Variants in DAB1 observed in about 807,000 individuals in gnomAD.
DAB1 encodes the protein disabled homolog 1.
Under a neutral mutation model 64.6 loss-of-function variants are expected in DAB1, and 15 were observed. The ratio of observed to expected loss-of-function variants is 0.23; its 90% CI spans 0.16 to 0.36. The LOEUF (loss-of-function observed/expected upper bound fraction) is 0.36, where lower values mean the gene tolerates loss of function less well. DAB1 is among the 10% of genes least tolerant of loss of function. The pLI is 1.00. For synonymous variants in DAB1, 235 were observed against 251.9 expected (o/e 0.93, Z 0.64); for missense variants, 596 against 706.7 (o/e 0.84, Z 1.78).
intron 3 of DAB1, among the ~76,000 whole-genome samples, chr1:58,443,813 A>G (rs985218701): frequency 6.6e-6 from 1 of 152,238 alleles, no homozygotes; most frequent in African/African-American, 2.4e-5. Context: ...AATACTCAAC[A>G]CATTGTTTAA....
intron 5 of DAB1, among the ~76,000 whole-genome samples, chr1:57,901,362 C>T (rs939313022): frequency 8.5e-5 from 13 of 152,184 alleles, no homozygotes; most frequent in African/African-American, 3.1e-4. Context: ...GCGAGCTCCC[C>T]CTCCCTGCAA....
chr1:57,198,473 T>C (rs918993847), intron 2 of DAB1, among the ~76,000 whole-genome samples: 1 of 152,082 alleles, frequency 6.6e-6, no homozygotes, highest in Non-Finnish European at 1.5e-5. Flanking sequence ...GTCTAGAGAC[T>C]CATCTTTCAC....
chr1:58,126,170 C>T (rs988594333), intron 5 of DAB1, among the ~76,000 whole-genome samples: 2 of 152,156 alleles, frequency 1.3e-5, no homozygotes, highest in African/African-American at 4.8e-5. Flanking sequence ...AAAGAAAAGG[C>T]CTTAAAGAAC....
At chr1:57,510,610 C>A (rs142864824) in intron 7 of DAB1, among the ~76,000 whole-genome samples, 29 of 152,180 alleles carry the variant, frequency 1.9e-4, no homozygotes, top group African/African-American at 7.0e-4. Flanking sequence ...TTATACCCCA[C>A]CCACACCAGT....
intron 2 of DAB1, among the ~76,000 whole-genome samples, chr1:57,245,888 C>T (rs1234784361): frequency 6.6e-6 from 1 of 152,194 alleles, no homozygotes; most frequent in African/African-American, 2.4e-5. Flanking sequence ...AACTAATTTA[C>T]ACTCTCTGGT....
intron 1 of DAB1, among the ~76,000 whole-genome samples, chr1:57,357,638 G>C (rs1241895913): frequency 6.6e-6 from 1 of 151,428 alleles, no homozygotes; most frequent in Non-Finnish European, 1.5e-5. Context: ...ACCTGAGAGT[G>C]GGTAATTTAG....
At chr1:58,205,707 A>G (rs769847186) in intron 4 of DAB1, among the ~76,000 whole-genome samples, 10 of 152,218 alleles carry the variant, frequency 6.6e-5, no homozygotes, top group Non-Finnish European at 1.5e-4. Context: ...TGTCATTAAC[A>G]TTCTTTAATT....
intron 6 of DAB1, among the ~76,000 whole-genome samples, chr1:57,663,207 CCA>C (rs2101672708): frequency 1.3e-5 from 2 of 152,178 alleles, no homozygotes; most frequent in African/African-American, 4.8e-5. Flanking sequence ...GGGGGAGGTG[CCA>C]CACACTTTCA....
At chr1:57,126,607 G>A (rs888800248) in intron 4 of DAB1, among the ~76,000 whole-genome samples, 3 of 152,178 alleles carry the variant, frequency 2.0e-5, no homozygotes, top group African/African-American at 4.8e-5. Flanking sequence ...GAAATGACAC[G>A]TATGTCAAGC....
intron 6 of DAB1, among the ~76,000 whole-genome samples, chr1:57,792,434 T>A (rs1173831848): frequency 1.3e-5 from 2 of 152,228 alleles, no homozygotes; most frequent in South Asian, 4.1e-4. Flanking sequence ...ACAGCTCTTT[T>A]TCCACTGGGC....
chr1:57,913,564 C>T (rs1369899792), intron 5 of DAB1, among the ~76,000 whole-genome samples: 1 of 152,198 alleles, frequency 6.6e-6, no homozygotes, highest in African/African-American at 2.4e-5. Flanking sequence ...ACACCAAAAG[C>T]AATGGCAACA....
intron 3 of DAB1, among the ~76,000 whole-genome samples, chr1:57,138,752 C>T (rs1337345189): frequency 6.6e-6 from 1 of 152,212 alleles, no homozygotes; most frequent in Non-Finnish European, 1.5e-5. Flanking sequence ...CTCTGACCCT[C>T]TTAGCCAACA....
intron 6 of DAB1, among the ~76,000 whole-genome samples, chr1:57,768,087 G>T (rs1411557268): frequency 2.1e-5 from 3 of 145,474 alleles, no homozygotes; most frequent in Non-Finnish European, 3.0e-5. Context: ...TGAAGTAGGA[G>T]AATTGCTTGA....
At chr1:57,939,157 A>G (rs1645067185) in intron 5 of DAB1, among the ~76,000 whole-genome samples, 2 of 152,104 alleles carry the variant, frequency 1.3e-5, no homozygotes, top group African/African-American at 4.8e-5. Context: ...TTCACAGATG[A>G]CCTTCTTCTC....
At chr1:58,166,992 G>T (rs774723302) in intron 4 of DAB1, among the ~76,000 whole-genome samples, 2 of 150,590 alleles carry the variant, frequency 1.3e-5, no homozygotes, top group South Asian at 2.1e-4. Flanking sequence ...AGAAATCCAC[G>T]CACCTTGGCC....
chr1:57,704,433 A>G (rs1646941931), intron 6 of DAB1, among the ~76,000 whole-genome samples: 1 of 152,168 alleles, frequency 6.6e-6, no homozygotes, highest in Non-Finnish European at 1.5e-5. Context: ...TATAGCACCA[A>G]TTACAGATGA....
chr1:58,154,435 T>A (rs528870219), intron 4 of DAB1, among the ~76,000 whole-genome samples: 4 of 149,772 alleles, frequency 2.7e-5, no homozygotes, highest in Non-Finnish European at 1.5e-5. Flanking sequence ...CAGACAGGAG[T>A]CCTGTGTCAT....
In DAB1 at chr1:58,434,961, T is replaced by G. The variant is rs571672461; in HGVS notation, n.257+71099A>C. On this transcript the variant is annotated intron_variant and non_coding_transcript_variant, in intron 3 of 20. Coordinates refer to the DAB1 transcript ENST00000485760. Reference sequence around the variant, plus strand: ...AAGACTTCCAGTGAAGGAGCCTTAGTATCATTTGACATTGTTCCCTGAGCA... The same window carrying G: ...AAGACTTCCAGTGAAGGAGCCTTAGGATCATTTGACATTGTTCCCTGAGCA... 9.2e-5 allele frequency among the ~76,000 whole-genome samples: 14 copies of G among 152,340 alleles called. No individual in the cohort carries two copies. In the South Asian group the frequency reaches 2.9e-3, roughly 32 times the overall value.
At chr1:57,086,296 C>G (rs890208299) in intron 4 of DAB1, among the ~76,000 whole-genome samples, 8 of 152,080 alleles carry the variant, frequency 5.3e-5, no homozygotes, top group African/African-American at 1.9e-4. Context: ...GAAGCCATAT[C>G]CTAGGGCTCT....
Sources: allele counts gnomAD v4.1 joint callset (sites outside exome capture counted in the v4.1 genomes callset), GRCh38; gene constraint gnomAD v4.1.1; transcripts MANE v1.5; gene names NCBI Gene and HGNC (gene_info 2026-07-23, HGNC 2026-07-21).